The following CACNA1G variants were observed in gnomAD, a reference collection of about 807,000 sequenced individuals.
CACNA1G encodes calcium voltage-gated channel subunit alpha1 G.
A neutral mutation model predicts 219.4 loss-of-function variants in CACNA1G; 67 were observed. That is an observed-to-expected ratio of 0.31 (90% CI 0.25 to 0.37). CACNA1G has a LOEUF of 0.37. Ranked by LOEUF, CACNA1G falls within the 10% of genes least tolerant of loss-of-function variation. The pLI, the probability that CACNA1G is intolerant of heterozygous loss-of-function variation, is 1.00. For synonymous variants in CACNA1G, 1,296 were observed against 1,345.3 expected, an observed-to-expected ratio of 0.96 and a Z score of 0.80; for missense variants, 2,380 against 3,231.4, an observed-to-expected ratio of 0.74 and a Z score of 6.39.
At chr17:50,565,081 C>G (rs1218088309) in intron 1 of CACNA1G, among the ~76,000 whole-genome samples, 1 of 152,110 alleles carries the variant, frequency 6.6e-6, no homozygotes, top group African/African-American at 2.4e-5. Flanking sequence ...CTGCCTCAGC[C>G]AGGATGGCGA....
Position 50,582,430 on chromosome 17 carries a change from T to C in CACNA1G, c.2301+3866T>C, listed in dbSNP as rs1358442710. ...GGACCCAATCAGTTGGAAACATGGG[T>C]TGAGAGGAGGCAGCAAGGATGACTC... On this transcript the variant is annotated intron_variant, in intron 9 of 37. Coordinates refer to ENST00000359106, the MANE Select transcript of CACNA1G (RefSeq NM_018896.5). 2.0e-5 allele frequency among the ~76,000 whole-genome samples: 3 copies of C among 151,928 alleles called. No individual in the cohort carries two copies. The East Asian group carries it at 5.8e-4, about 29-fold the overall frequency.
rs607458 is a variant in CACNA1G at position 50,561,548 on chromosome 17, G to T, written c.89G>T (p.Gly30Val). The change falls in exon 1 of 38, where the codon GGC (glycine) becomes GTC (valine). Residue 30 changes from glycine to valine, a missense_variant. By Grantham distance (109) the Gly-to-Val change is moderately radical (BLOSUM62 -3). Transcript: ENST00000359106. The stretch of plus-strand genomic sequence containing the variant: ...CTCAACGACCTGTCGGGGGCCGGGG[G>T]CCGGCCGGGGCCGGGGTCAGCAGAA... The part of the protein sequence containing the change: ...MRLNDLSGAG[G>V]RPGPGSAEKD... The T allele has an allele frequency of 1.3e-6, 2 of 1,540,140 alleles. No individual in the cohort carries two copies. The highest frequency in any genetic ancestry group is 1.7e-6 in the Non-Finnish European group (2 of 1,146,786).
rs1395864532 is a variant in CACNA1G at position 50,575,866 on chromosome 17, C to T, written c.1464C>T (p.Arg488=). Residue 488 remains arginine (R), a synonymous_variant, in exon 8 of 38, where the codon CGC becomes CGT. Transcript: ENST00000359106. ...GCAGCTGCTCTCGCTCCCACCGCCG[C>T]CTATCCGTCCACCACCTGGTGCACC... ...PSSSCSRSHR[R]LSVHHLVHHH... 9.7e-6 allele frequency: 15 copies of T among 1,551,872 alleles called. No individual in the cohort carries two copies. The highest frequency in any genetic ancestry group is 1.3e-5 in the Non-Finnish European group (15 of 1,148,938).
intron 4 of CACNA1G, 121 bp downstream of exon 4, chr17:50,569,924 G>A (rs1021025798): frequency 5.2e-5 from 37 of 705,354 alleles, no homozygotes; most frequent in Admixed American, 1.6e-4. Context: ...TCAGAGAAGG[G>A]CTCAGTGGGG....
intron 9 of CACNA1G, among the ~76,000 whole-genome samples, chr17:50,589,189 G>A (rs2043631595): frequency 6.6e-6 from 1 of 152,054 alleles, no homozygotes; most frequent in African/African-American, 2.4e-5. Flanking sequence ...CCCTCTGCCT[G>A]GCCACACCCC....
intron 9 of CACNA1G, among the ~76,000 whole-genome samples, chr17:50,584,269 G>C (rs535634531): frequency 2.2e-4 from 33 of 152,124 alleles, no homozygotes; most frequent in Non-Finnish European, 3.8e-4. Flanking sequence ...GGTAGGAGTG[G>C]GGGTACTGGT....
rs1223489790 is a variant in CACNA1G, at chr17:50,596,395, G to A, written c.2980-167G>A. On this transcript the variant is annotated intron_variant, in intron 14 of 37. Transcript: ENST00000359106. The surrounding 1 kb of genome is among the most constrained non-coding windows in gnomAD (Gnocchi z 4.8). Reference sequence around the variant, plus strand: ...GGTGGTGGGGCCCTGGGAAGCCTCGGGCCCCAAGCCTGGGGGGTCTGGCCT... The same window carrying A: ...GGTGGTGGGGCCCTGGGAAGCCTCGAGCCCCAAGCCTGGGGGGTCTGGCCT... Among the ~76,000 whole-genome samples, 2 of 152,174 alleles carry A rather than the reference G, an allele frequency of 1.3e-5. No homozygotes were observed. The highest frequency in any genetic ancestry group is 4.8e-5 in the African/African-American group (2 of 41,442).
At chr17:50,587,523 A>G (rs1246514031) in intron 9 of CACNA1G, among the ~76,000 whole-genome samples, 1 of 152,178 alleles carries the variant, frequency 6.6e-6, no homozygotes, top group Non-Finnish European at 1.5e-5. Flanking sequence ...CCAGCCTCCA[A>G]TTTAGTAACT....
chr17:50,601,317 C>T, intron 19 of CACNA1G, 143 bp downstream of exon 19: 3 of 1,017,524 alleles, frequency 2.9e-6, no homozygotes, highest in Admixed American at 2.7e-5. Context: ...TTAGGTCTCT[C>T]ACCAGATCCT....
rs752374710 is a variant in CACNA1G, at chr17:50,621,006, C to T, written c.5926-654C>T. Among the ~76,000 whole-genome samples, 20 of 152,192 alleles carry T rather than the reference C, an allele frequency of 1.3e-4. No individual in the cohort carries two copies. Among genetic ancestry groups the T allele is most frequent in the Non-Finnish European group, 2.9e-5 (2 of 68,024 alleles). Reference sequence around the variant, plus strand: ...CAGCCAGATGGTGTGGCAGCCCACCCGAGTGCGCCCACTTCAGGCTAACGG... The same window carrying T: ...CAGCCAGATGGTGTGGCAGCCCACCTGAGTGCGCCCACTTCAGGCTAACGG... On this transcript the variant is annotated intron_variant, in intron 34 of 37. Transcript: ENST00000359106. This position sits in a 1 kb window ranked among gnomAD's most constrained non-coding sequence, Gnocchi z 4.6.
rs373343826 is a variant in CACNA1G at position 50,602,606 on chromosome 17, G to A, written c.3916-214G>A. 2.0e-5 allele frequency among the ~76,000 whole-genome samples: 3 copies of A among 152,226 alleles called. No homozygotes were observed. In the East Asian group the frequency reaches 5.8e-4, roughly 29 times the overall value. ...GGCGGGGAGCTCTGGTCACAGACAGGGGTGTGACTGTCCACAGAGCTGCAG... is the reference window on the plus strand; with the variant it reads ...GGCGGGGAGCTCTGGTCACAGACAGAGGTGTGACTGTCCACAGAGCTGCAG... On this transcript the variant is annotated intron_variant, in intron 19 of 37. Coordinates refer to ENST00000359106, the MANE Select transcript of CACNA1G (RefSeq NM_018896.5).
chr17:50,573,984 C>T (rs559737843), intron 7 of CACNA1G, among the ~76,000 whole-genome samples: 4 of 152,352 alleles, frequency 2.6e-5, no homozygotes, highest in South Asian at 2.1e-4. Flanking sequence ...CCCTACCAGA[C>T]GCTTTGCCTA....
intron 24 of CACNA1G, 39 bp downstream of exon 24, chr17:50,607,028 G>A: frequency 6.7e-7 from 1 of 1,490,764 alleles, no homozygotes; most frequent in Non-Finnish European, 9.4e-7. Context: ...GTGGGCTCAG[G>A]TCACTCAGCA....
intron 19 of CACNA1G, among the ~76,000 whole-genome samples, chr17:50,601,381 A>G (rs1212643434): frequency 1.3e-5 from 2 of 152,124 alleles, no homozygotes; most frequent in Non-Finnish European, 2.9e-5. Flanking sequence ...CTTCTATGAT[A>G]CATCAGCCCA....
rs1337210654 is a variant in CACNA1G at position 50,617,774 on chromosome 17, C to G, written c.5156-85C>G. The G allele has an allele frequency of 6.6e-7, 1 of 1,517,134 alleles. No homozygotes were observed. The highest frequency in any genetic ancestry group is 9.0e-7 in the Non-Finnish European group (1 of 1,105,752). 94.0% of individuals were successfully genotyped at this position (1,517,134 alleles called of 1,614,324 possible). A position where few individuals can be genotyped will look rare whatever the true frequency, so the allele number is the denominator to read the frequency against. ...GCCCGGAGATGGCCATCCCAGCAGC[C>G]CCAGCCCAGCCCTGGTCCTGACTCT... On this transcript the variant is annotated intron_variant, in intron 29 of 37. Transcript: ENST00000359106. This position sits in a 1 kb window ranked among gnomAD's most constrained non-coding sequence, Gnocchi z 5.8.
chr17:50,624,324 T>TGCCCCCCCCCCCCCCCCCCCG, intron 36 of CACNA1G, 36 bp from the exon 37 acceptor site: 1 of 1,177,664 alleles, frequency 8.5e-7, no homozygotes, highest in Non-Finnish European at 1.2e-6. Context: ...CTCCATTCTC[T>TGCCCCCCCCCCCCCCCCCCCG]CCCCCCACCC....
chr17:50,587,380 C>T (rs1041557115), intron 9 of CACNA1G, among the ~76,000 whole-genome samples: 2 of 152,178 alleles, frequency 1.3e-5, no homozygotes, highest in South Asian at 4.1e-4. Flanking sequence ...GCCTAGTTGG[C>T]CTGTGGTGGG....
chr17:50,582,542 C>T (rs2042173159), intron 9 of CACNA1G, among the ~76,000 whole-genome samples: 3 of 152,232 alleles, frequency 2.0e-5, no homozygotes, highest in South Asian at 2.1e-4. Context: ...TGCGGGCCAT[C>T]CTGACCATAT....
Position 50,618,449 on chromosome 17 carries a change from C to A in CACNA1G, c.5427+106C>A. 1 of 1,449,842 alleles carries A rather than the reference C, an allele frequency of 6.9e-7. No individual in the cohort carries two copies. The highest frequency in any genetic ancestry group is 9.5e-7 in the Non-Finnish European group (1 of 1,050,926). The allele number at this position is 1,449,842 out of a possible 1,614,324, so 89.8% of individuals were successfully genotyped here. A position where few individuals can be genotyped will look rare whatever the true frequency, so the allele number is the denominator to read the frequency against. ...CACAAATAAAAGCATGTGACCTTCT[C>A]TCCCCCGTGCTAGAACACTCTGGAA... On this transcript the variant is annotated intron_variant, in intron 32 of 37. Coordinates refer to ENST00000359106, the MANE Select transcript of CACNA1G (RefSeq NM_018896.5). This position sits in a 1 kb window ranked among gnomAD's most constrained non-coding sequence, Gnocchi z 5.3.
Sources: gnomAD v4.1 joint callset for allele counts (sites outside exome capture counted in the v4.1 genomes callset) on GRCh38, gnomAD v4.1.1 for gene constraint, Gnocchi (gnomAD v3.1) non-coding constraint, MANE v1.5 for transcripts, NCBI Gene and HGNC (gene_info 2026-07-23, HGNC 2026-07-21) for gene names.